XYLT1: variants seen among roughly 807,000 people sequenced by gnomAD.
The protein encoded by XYLT1 is beta-D-xylosyltransferase 1.
A neutral mutation model predicts 91.3 loss-of-function variants in XYLT1; 36 were observed. The observed-to-expected ratio is 0.39, with a 90% CI of 0.30 to 0.52. XYLT1 has a LOEUF of 0.52. XYLT1 is among the 20% of genes least tolerant of loss of function. The pLI is 0.68. For missense variants in XYLT1, 1,242 were observed against 1,284.5 expected (o/e 0.97, Z 0.51); for synonymous variants, 588 against 532.0 (o/e 1.11, Z -1.45).
At chr16:17,469,536 G>T (rs1350782594) in intron 1 of XYLT1, among the ~76,000 whole-genome samples, 1 of 152,204 alleles carries the variant, frequency 6.6e-6, no homozygotes, top group Non-Finnish European at 1.5e-5. Flanking sequence ...AGAAGTTAGG[G>T]ACAGGGTAGG....
In XYLT1 at chr16:17,185,234, C is replaced by T. The variant is rs1346217085; in HGVS notation, c.1289+12978G>A. On this transcript the variant is annotated intron_variant, in intron 5 of 11. Transcript: ENST00000261381. ...AAGCAGGAGTGTGTGCTCCATCAGC[C>T]TGAAAAATAACAGGGCTGAGGATAT... Among the ~76,000 whole-genome samples the T allele has an allele frequency of 2.0e-5, 3 of 152,232 alleles. No homozygotes were observed. The South Asian group carries it at 6.2e-4, about 32-fold the overall frequency.
chr16:17,418,908 G>A (rs1041289255), intron 1 of XYLT1, among the ~76,000 whole-genome samples: 1 of 152,022 alleles, frequency 6.6e-6, no homozygotes. Context: ...TGACAGCACA[G>A]GGGTCTCTAT....
intron 7 of XYLT1, among the ~76,000 whole-genome samples, chr16:17,139,919 C>A (rs1211747857): frequency 6.6e-6 from 1 of 152,212 alleles, no homozygotes; most frequent in Non-Finnish European, 1.5e-5. Flanking sequence ...GGCACTGCCC[C>A]AGACACAGGT....
intron 3 of XYLT1, among the ~76,000 whole-genome samples, chr16:17,216,305 G>A (rs1358904063): frequency 6.6e-6 from 1 of 152,172 alleles, no homozygotes; most frequent in African/African-American, 2.4e-5. Context: ...ACTTCTCAGA[G>A]GGAGGGTTTT....
In XYLT1 at chr16:17,141,242, G is replaced by A. The variant is rs750667742; in HGVS notation, c.1498C>T (p.Arg500Trp). The A allele has an allele frequency of 8.7e-6, 14 of 1,614,136 alleles. No homozygotes were observed. Among genetic ancestry groups the A allele is most frequent in the Non-Finnish European group, 1.0e-5 (12 of 1,180,022 alleles). Residue 500 changes from arginine to tryptophan, a missense_variant, in exon 7 of 12, where the codon CGG becomes TGG. Around this residue, in one of 3 missense-constraint regions of XYLT1, gnomAD observed 294 missense variants for 376.0 expected, o/e 0.78. Transcript: ENST00000261381. The part of the protein sequence containing the change: ...DGGSDWFLLN[R>W]RFVEYVTFST... The stretch of plus-strand genomic sequence containing the variant: ...AAGGTCACATATTCTACAAACCTCC[G>A]GTTCAGCAGGAACCAGTCCGAACCG...
chr16:17,199,192 A>G (rs546644341), intron 4 of XYLT1, among the ~76,000 whole-genome samples: 3 of 152,206 alleles, frequency 2.0e-5, no homozygotes, highest in South Asian at 2.1e-4. Flanking sequence ...TTATCCTCTC[A>G]CAGGTCTGCT....
At chr16:17,138,150 A>T in intron 8 of XYLT1, 1 of 545,032 alleles carries the variant, frequency 1.8e-6, no homozygotes, top group Non-Finnish European at 3.1e-6. Context: ...TTTTTGGGTT[A>T]ATGAGTCAAT....
intron 1 of XYLT1, among the ~76,000 whole-genome samples, chr16:17,437,872 AG>A (rs1452973401): frequency 6.6e-6 from 1 of 152,210 alleles, no homozygotes; most frequent in Non-Finnish European, 1.5e-5. Context: ...TGCAGCAAAG[AG>A]GCTGAATACT....
chr16:17,235,632 A>G (rs2033236117), intron 3 of XYLT1, among the ~76,000 whole-genome samples: 1 of 152,184 alleles, frequency 6.6e-6, no homozygotes, highest in Non-Finnish European at 1.5e-5. Flanking sequence ...TGAGTGGGGA[A>G]TTATGACAAA....
At chr16:17,434,674 T>C (rs150350149) in intron 1 of XYLT1, among the ~76,000 whole-genome samples, 3,056 of 152,154 alleles carry the variant, frequency 0.02, 90 homozygotes, top group African/African-American at 0.069. Context: ...CTGGGTAACA[T>C]AGCAAGACCC....
chr16:17,272,320 G>A (rs1385862065), intron 2 of XYLT1, among the ~76,000 whole-genome samples: 1 of 151,774 alleles, frequency 6.6e-6, no homozygotes, highest in African/African-American at 2.4e-5. Context: ...GCATCACCAT[G>A]CCCGGCTAAT....
intron 3 of XYLT1, among the ~76,000 whole-genome samples, chr16:17,236,940 A>AC (rs2033258977): frequency 6.6e-6 from 1 of 152,222 alleles, no homozygotes; most frequent in Admixed American, 6.5e-5. Context: ...GGGGCTTAGG[A>AC]ATTCAACCTA....
At chr16:17,431,653 C>A (rs2036393352) in intron 1 of XYLT1, among the ~76,000 whole-genome samples, 1 of 152,154 alleles carries the variant, frequency 6.6e-6, no homozygotes, top group Non-Finnish European at 1.5e-5. Context: ...CGTTTTTAAC[C>A]ACCGCTGTGC....
At chr16:17,426,951 A>G (rs569841395) in intron 1 of XYLT1, among the ~76,000 whole-genome samples, 3 of 152,338 alleles carry the variant, frequency 2.0e-5, no homozygotes, top group Admixed American at 2.0e-4. Flanking sequence ...CAGATAGAAG[A>G]AGGAACAAGT....
intron 1 of XYLT1, among the ~76,000 whole-genome samples, chr16:17,450,639 C>T (rs116498776): frequency 8.1e-4 from 124 of 152,324 alleles, no homozygotes; most frequent in African/African-American, 2.9e-3. Context: ...GAAAGGCAGG[C>T]AGCCCAAAGC....
At chr16:17,260,613 A>G (rs2033708281) in intron 2 of XYLT1, among the ~76,000 whole-genome samples, 1 of 152,202 alleles carries the variant, frequency 6.6e-6, no homozygotes, top group African/African-American at 2.4e-5. Context: ...ACCCAAGAGC[A>G]GCTGACCCTC....
intron 2 of XYLT1, among the ~76,000 whole-genome samples, chr16:17,276,386 G>GATCA (rs2033974725): frequency 6.6e-6 from 1 of 152,186 alleles, no homozygotes; most frequent in South Asian, 2.1e-4. Context: ...ATGTCGATTG[G>GATCA]AAGGCCACAG....
intron 5 of XYLT1, among the ~76,000 whole-genome samples, chr16:17,166,346 C>T (rs959078482): frequency 2.0e-5 from 3 of 152,110 alleles, no homozygotes; most frequent in Admixed American, 1.3e-4. Flanking sequence ...GGCATTGAGT[C>T]CAATTCCCAT....
intron 11 of XYLT1, among the ~76,000 whole-genome samples, chr16:17,115,581 C>A (rs899362586): frequency 6.6e-6 from 1 of 150,974 alleles, no homozygotes; most frequent in African/African-American, 2.4e-5. Flanking sequence ...CAGGTTCAAA[C>A]GATTCTCGTG....
Sources: allele counts gnomAD v4.1 joint callset (sites outside exome capture counted in the v4.1 genomes callset), GRCh38; gene constraint gnomAD v4.1.1; regional missense constraint gnomAD v4.1.1; transcripts MANE v1.5; gene names NCBI Gene and HGNC (gene_info 2026-07-23, HGNC 2026-07-21).